Variants in SDK1 observed in about 807,000 individuals in gnomAD.
SDK1 encodes the protein protein sidekick-1.
SDK1 carries 157 observed loss-of-function variants against 245.5 expected under a neutral mutation model. That is an observed-to-expected ratio of 0.64 (90% CI 0.56 to 0.73). SDK1 has a LOEUF of 0.73. Among genes scored for constraint, SDK1 ranks in the 30% least tolerant of loss-of-function variants. SDK1 has a pLI of 0.00. For missense variants in SDK1, 3,583 were observed against 3,002.3 expected, an observed-to-expected ratio of 1.19 and a Z score of -4.52; for synonymous variants, 1,647 against 1,278.5, an observed-to-expected ratio of 1.29 and a Z score of -6.15.
At position 3,974,443 on chromosome 7, in the gene SDK1, C is replaced by G. The variant is rs773620129; in HGVS notation, c.1892C>G (p.Ser631Cys). The G allele has an allele frequency of 2.5e-6, 4 of 1,613,860 alleles. No homozygotes were observed. Among genetic ancestry groups the G allele is most frequent in the Non-Finnish European group, 3.4e-6 (4 of 1,179,780 alleles). The change falls in exon 13 of 45, where the codon TCC becomes TGC. Residue 631 changes from serine (S) to cysteine (C), a missense_variant. By Grantham distance (112) the Ser-to-Cys change is moderately radical. Transcript: ENST00000404826. ...AGGATCGTGGTGGAGAAGGACGGGT[C>G]CCTTCTCATCAGCCAGACGTGGTCA... is the stretch of plus-strand genomic sequence containing the variant. ...TSRIVVEKDG[S>C]LLISQTWSGD...
chr7:3,315,315 T>A (rs779978312), intron 1 of SDK1, among the ~76,000 whole-genome samples: 2 of 152,182 alleles, frequency 1.3e-5, no homozygotes, highest in Non-Finnish European at 2.9e-5. Context: ...TACAGTATCA[T>A]ACATCCTTAC....
chr7:3,957,960 C>T (rs887102890), intron 7 of SDK1: 1 of 470,486 alleles, frequency 2.1e-6, no homozygotes, highest in African/African-American at 2.0e-5. Context: ...ACTTTGCCTC[C>T]TTCCAGAAAC....
intron 4 of SDK1, among the ~76,000 whole-genome samples, chr7:3,776,876 A>G (rs529144405): frequency 6.6e-6 from 1 of 152,262 alleles, no homozygotes. Flanking sequence ...CCATATAGTG[A>G]AACTTCTCAA....
intron 4 of SDK1, among the ~76,000 whole-genome samples, chr7:3,663,415 C>G (rs1783425316): frequency 6.6e-6 from 1 of 152,186 alleles, no homozygotes; most frequent in Non-Finnish European, 1.5e-5. Context: ...AAGTGGGATT[C>G]ATGCTTGCGA....
At chr7:4,048,459 G>A (rs1447872311) in intron 17 of SDK1, among the ~76,000 whole-genome samples, 7 of 152,080 alleles carry the variant, frequency 4.6e-5, no homozygotes, top group Non-Finnish European at 8.8e-5. Context: ...CGAGACCCGC[G>A]CACTGTCAGC....
rs573057325 is a variant in SDK1, at chr7:3,566,088, G to T, written c.299-52992G>T. On this transcript the variant is annotated intron_variant, in intron 1 of 44. Coordinates refer to ENST00000404826, the MANE Select transcript of SDK1 (RefSeq NM_152744.4). ...GGTAGAATTTAAAATGCTAATAAAA[G>T]ACCAAGATTATCTGAGTAAATAGAG... 3.3e-5 allele frequency among the ~76,000 whole-genome samples: 5 copies of T among 152,032 alleles called. No individual in the cohort carries two copies. The South Asian group carries it at 1.0e-3, about 32-fold the overall frequency.
At chr7:3,359,378 G>C (rs1780892059) in intron 1 of SDK1, among the ~76,000 whole-genome samples, 1 of 152,194 alleles carries the variant, frequency 6.6e-6, no homozygotes, top group South Asian at 2.1e-4. Context: ...CTAAGGTTAA[G>C]TTTTCGTTGT....
chr7:3,961,117 C>A (rs185440416), intron 8 of SDK1, among the ~76,000 whole-genome samples: 9 of 152,198 alleles, frequency 5.9e-5, no homozygotes, highest in African/African-American at 1.7e-4. Context: ...AATATAGAGA[C>A]AACAGATCTT....
chr7:3,409,795 T>C lies in SDK1; in HGVS notation c.298+107911T>C, dbSNP rs551757382. On this transcript the variant is annotated intron_variant, in intron 1 of 44. Coordinates refer to ENST00000404826, the MANE Select transcript of SDK1 (RefSeq NM_152744.4). ...TGGTGGGGTGGAGGGGATTGAGGTG[T>C]GGAGTTTGATTTTTGACATTCTTGT... 4.6e-5 allele frequency among the ~76,000 whole-genome samples: 7 copies of C among 152,152 alleles called. No homozygotes were observed. In the East Asian group the frequency reaches 1.2e-3, roughly 25 times the overall value.
chr7:3,309,890 G>A (rs1779509836), intron 1 of SDK1, among the ~76,000 whole-genome samples: 1 of 152,082 alleles, frequency 6.6e-6, no homozygotes, highest in Admixed American at 6.5e-5. Flanking sequence ...CTTCTAAAAT[G>A]GTTGTCTTAG....
intron 1 of SDK1, among the ~76,000 whole-genome samples, chr7:3,337,000 A>G (rs911881397): frequency 6.6e-6 from 1 of 151,972 alleles, no homozygotes; most frequent in Non-Finnish European, 1.5e-5. Flanking sequence ...AATATCAAAA[A>G]CATATAGGAT....
At chr7:3,893,025 T>A (rs1781500250) in intron 5 of SDK1, among the ~76,000 whole-genome samples, 1 of 152,096 alleles carries the variant, frequency 6.6e-6, no homozygotes, top group Non-Finnish European at 1.5e-5. Flanking sequence ...TCAGGCCAAT[T>A]TGAGCGGGAA....
At chr7:4,255,477 C>T (rs1333049698) in intron 44 of SDK1, among the ~76,000 whole-genome samples, 1 of 152,172 alleles carries the variant, frequency 6.6e-6, no homozygotes, top group Non-Finnish European at 1.5e-5. Flanking sequence ...CCTGCTCCTC[C>T]CAGCGTGGGA....
chr7:3,639,311 C>G (rs1289326480), intron 3 of SDK1, among the ~76,000 whole-genome samples: 3 of 152,132 alleles, frequency 2.0e-5, no homozygotes, highest in Non-Finnish European at 2.9e-5. Flanking sequence ...GCAAAGGGCA[C>G]TTTTCTTCAT....
intron 1 of SDK1, among the ~76,000 whole-genome samples, chr7:3,346,666 CT>C (rs11311845): frequency 0.59 from 73,410 of 123,484 alleles, 21,404 homozygotes; most frequent in African/African-American, 0.75. Context: ...AATTTAGTTT[CT>C]TTTTTTTTTT....
intron 4 of SDK1, among the ~76,000 whole-genome samples, chr7:3,707,585 A>T (rs1449906963): frequency 6.6e-6 from 1 of 152,194 alleles, no homozygotes; most frequent in Admixed American, 6.5e-5. Flanking sequence ...ACAGGAGTTT[A>T]AGTCCATTGT....
chr7:4,223,073 G>T (rs1210597674), intron 40 of SDK1, among the ~76,000 whole-genome samples: 1 of 149,104 alleles, frequency 6.7e-6, no homozygotes, highest in Non-Finnish European at 1.5e-5. Flanking sequence ...ACAGAGCAAG[G>T]CTCCGTCTCA....
At position 4,074,856 on chromosome 7, in the gene SDK1, TTCTCTCTCTCTCTC is replaced by T. The variant is rs1159856321; in HGVS notation, c.3011-2126_3011-2113del. On this transcript the variant is annotated intron_variant, in intron 20 of 44. Coordinates refer to ENST00000404826, the MANE Select transcript of SDK1 (RefSeq NM_152744.4). ...CCAGCCTGGGCAACAGAGCAAGACTTTCTCTCTCTCTCTCTCTCTCTCTCTCTCTGTATATATAT... is the reference window on the plus strand; with the variant it reads ...CCAGCCTGGGCAACAGAGCAAGACTTTCTCTCTCTCTCTCTGTATATATAT... Among the ~76,000 whole-genome samples, 87 of 72,306 alleles carry T rather than the reference TTCTCTCTCTCTCTC, an allele frequency of 1.2e-3. 1 individual carries two copies. The highest frequency in any genetic ancestry group is 7.4e-3 in the African/African-American group (78 of 10,500). 47.4% of individuals were successfully genotyped at this position (72,306 alleles called of 152,430 possible).
At chr7:3,621,303 C>T (rs1042698107) in intron 2 of SDK1, among the ~76,000 whole-genome samples, 5 of 152,098 alleles carry the variant, frequency 3.3e-5, no homozygotes, top group East Asian at 1.9e-4. Context: ...TTCAACTTAC[C>T]GGTGTGACTT....
Sources: allele counts gnomAD v4.1 joint callset (sites outside exome capture counted in the v4.1 genomes callset), GRCh38; gene constraint gnomAD v4.1.1; transcripts MANE v1.5; gene names NCBI Gene and HGNC (gene_info 2026-07-23, HGNC 2026-07-21).